STARD3: variants seen among roughly 807,000 people sequenced by gnomAD.
STARD3 encodes stAR-related lipid transfer protein 3.
A neutral mutation model predicts 62.0 loss-of-function variants in STARD3; 39 were observed. The observed-to-expected ratio is 0.63, with a 90% CI of 0.49 to 0.82. The LOEUF (loss-of-function observed/expected upper bound fraction) is 0.82, where lower values mean the gene tolerates loss of function less well. Ranked by LOEUF, STARD3 falls within the 40% of genes least tolerant of loss-of-function variation. STARD3 has a pLI of 0.00. For missense variants in STARD3, 543 were observed against 584.5 expected (o/e 0.93, Z 0.73); for synonymous variants, 229 against 242.4 (o/e 0.94, Z 0.51).
At chr17:39,658,646 G>T in intron 6 of STARD3, 76 bp from the exon 7 acceptor site, 1 of 1,589,008 alleles carries the variant, frequency 6.3e-7, no homozygotes, top group South Asian at 1.1e-5. Context: ...GTAGCCTGAG[G>T]GGGAGCTTGG....
intron 1 of STARD3, among the ~76,000 whole-genome samples, chr17:39,641,100 C>T (rs2056979347): frequency 1.3e-5 from 2 of 152,162 alleles, no homozygotes; most frequent in Admixed American, 1.3e-4. Flanking sequence ...TGGTGCACAC[C>T]TGTAGGCTCA....
chr17:39,654,046 T>C (rs1307979554), intron 2 of STARD3, among the ~76,000 whole-genome samples: 1 of 152,158 alleles, frequency 6.6e-6, no homozygotes, highest in Non-Finnish European at 1.5e-5. Context: ...TGCCCCCTAG[T>C]GGAGGCTCCC....
At chr17:39,661,215 G>T (rs951826937) in intron 13 of STARD3, 130 bp downstream of exon 13, 36 of 775,050 alleles carry the variant, frequency 4.6e-5, no homozygotes, top group Admixed American at 2.4e-4. Context: ...TGTCCCGCTG[G>T]GCTCTGCTCC....
intron 1 of STARD3, among the ~76,000 whole-genome samples, chr17:39,648,068 G>T (rs948930248): frequency 6.6e-6 from 1 of 151,732 alleles, no homozygotes; most frequent in Non-Finnish European, 1.5e-5. Flanking sequence ...GGCGGATCAC[G>T]AGATCAGGAG....
chr17:39,659,594 G>A, intron 9 of STARD3, 41 bp downstream of exon 9: 1 of 1,598,238 alleles, frequency 6.3e-7, no homozygotes, highest in Non-Finnish European at 8.6e-7. Flanking sequence ...ATGCGTGTTA[G>A]GAGTTTCTGT....
intron 2 of STARD3, among the ~76,000 whole-genome samples, chr17:39,656,369 C>T (rs1267303885): frequency 1.3e-5 from 2 of 152,266 alleles, no homozygotes; most frequent in East Asian, 3.9e-4. Flanking sequence ...TGGTGTCCAT[C>T]CAGTTCCCTC....
chr17:39,659,546 A>G lies in STARD3; in HGVS notation c.788A>G (p.Lys263Arg). The G allele has an allele frequency of 6.2e-7, 1 of 1,614,090 alleles. No homozygotes were observed. The highest frequency in any genetic ancestry group is 8.5e-7 in the Non-Finnish European group (1 of 1,179,980). Residue 263 changes from lysine (K) to arginine (R), a missense_variant, in exon 9 of 15, where the codon AAG becomes AGG. By Grantham distance (26) the Lys-to-Arg change is conservative (BLOSUM62 2). Coordinates refer to ENST00000336308, the MANE Select transcript of STARD3 (RefSeq NM_006804.4). The part of the protein sequence containing the change: ...LAQEENWKFE[K>R]NNEYGDTVYT... ...CAGGAAGAGAACTGGAAGTTTGAGA[A>G]GAATAATGTAAGAAGCCCTCTCCCA...
rs755613236 is a variant in STARD3 at position 39,657,003 on chromosome 17, C to G, written c.220-5C>G. On this transcript the variant is annotated splice_region_variant and splice_polypyrimidine_tract_variant and intron_variant, in intron 2 of 14. Coordinates refer to ENST00000336308, the MANE Select transcript of STARD3 (RefSeq NM_006804.4). ...TGCAGAGCTCTTCCTGTCTCCCTCT[C>G]ACAGACCAACACAGGCATCCGTAAG... 40 of 1,614,004 alleles carry G rather than the reference C, an allele frequency of 2.5e-5. No homozygotes were observed. The highest frequency in any genetic ancestry group is 3.1e-5 in the Non-Finnish European group (36 of 1,179,982).
At chr17:39,654,167 ATCATTCATTCAT>A (rs3029514) in intron 2 of STARD3, among the ~76,000 whole-genome samples, 19 of 151,292 alleles carry the variant, frequency 1.3e-4, no homozygotes, top group African/African-American at 3.4e-4. Context: ...CGTTTGTTCG[ATCATTCATTCAT>A]TCATTCATTC....
rs149636905 is a variant in STARD3, at chr17:39,661,027, T to C, written c.1081T>C (p.Leu361=). 2 of 1,613,672 alleles carry C rather than the reference T, an allele frequency of 1.2e-6. No homozygotes were observed. Among genetic ancestry groups the C allele is most frequent in the African/African-American group, 2.7e-5 (2 of 74,892 alleles). The change falls in exon 13 of 15, where the codon TTG becomes CTG. Residue 361 remains leucine (L), a synonymous_variant. Coordinates refer to ENST00000336308, the MANE Select transcript of STARD3 (RefSeq NM_006804.4). ...CATTGAGCGGCGCAGGGACCGATAC[T>C]TGTCATCAGGGATCGCCACCTCACA... The part of the protein sequence containing the change: ...RRIERRRDRY[L]SSGIATSHSA...
At chr17:39,649,308 T>C (rs1441810144) in intron 1 of STARD3, among the ~76,000 whole-genome samples, 1 of 152,216 alleles carries the variant, frequency 6.6e-6, no homozygotes, top group Non-Finnish European at 1.5e-5. Flanking sequence ...CTTGAAGATG[T>C]ATTTCCAACA....
chr17:39,661,213 T>C, intron 13 of STARD3, 128 bp downstream of exon 13: 2 of 778,928 alleles, frequency 2.6e-6, no homozygotes, highest in Non-Finnish European at 4.2e-6. Context: ...CCTGTCCCGC[T>C]GGGCTCTGCT....
At chr17:39,650,383 G>A (rs145617226) in intron 1 of STARD3, among the ~76,000 whole-genome samples, 3 of 152,306 alleles carry the variant, frequency 2.0e-5, no homozygotes, top group East Asian at 1.9e-4. Flanking sequence ...GAGGGAGCAC[G>A]GCCCTCCCAA....
chr17:39,641,329 C>T (rs1398863161), intron 1 of STARD3, among the ~76,000 whole-genome samples: 1 of 151,974 alleles, frequency 6.6e-6, no homozygotes, highest in Non-Finnish European at 1.5e-5. Context: ...AAATGCTGAC[C>T]CAGAGTTACT....
chr17:39,646,976 C>A (rs1037372288), intron 1 of STARD3, among the ~76,000 whole-genome samples: 1 of 151,948 alleles, frequency 6.6e-6, no homozygotes, highest in Admixed American at 6.6e-5. Context: ...CCGAGGTGGG[C>A]GGATCACAAG....
intron 1 of STARD3, among the ~76,000 whole-genome samples, chr17:39,649,887 A>T (rs1039377375): frequency 9.6e-5 from 14 of 145,388 alleles, no homozygotes; most frequent in African/African-American, 3.5e-4. Context: ...AAAAAAAAAG[A>T]TATACAAAGA....
chr17:39,657,699 C>T (rs1195814997), intron 3 of STARD3, 76 bp from the exon 4 acceptor site: 2 of 1,539,766 alleles, frequency 1.3e-6, no homozygotes, highest in African/African-American at 1.4e-5. Flanking sequence ...GGGGGCAGGA[C>T]CAGAGGGGAG....
At position 39,660,843 on chromosome 17, in the gene STARD3, T is replaced by C. The variant is rs1352032672; in HGVS notation, c.988T>C (p.Ser330Pro). 3.1e-6 allele frequency: 5 copies of C among 1,594,340 alleles called. No individual in the cohort carries two copies. Among genetic ancestry groups the C allele is most frequent in the Non-Finnish European group, 3.4e-6 (4 of 1,168,260 alleles). The change falls in exon 12 of 15, where the codon TCC (serine) becomes CCC (proline). Residue 330 changes from serine (S) to proline (P), a missense_variant. By Grantham distance (74) the Ser-to-Pro change is moderately conservative. Transcript: ENST00000336308. This position sits in a 1 kb window ranked among gnomAD's most constrained non-coding sequence, Gnocchi z 4.8. Reference protein sequence around the residue: ...LQRVEDNTLISYDVSAGAAGG... With the variant: ...LQRVEDNTLIPYDVSAGAAGG... ...GCGAGTGGAAGACAACACCCTCATC[T>C]CCTATGACGTGTCTGCAGGGGCTGC...
At chr17:39,637,960 G>C (rs192936095) in intron 1 of STARD3, among the ~76,000 whole-genome samples, 183 of 152,210 alleles carry the variant, frequency 1.2e-3, no homozygotes, top group African/African-American at 4.2e-3. Context: ...CCCTTCCCTG[G>C]AGCTCCACGC....
Sources: allele counts gnomAD v4.1 joint callset (sites outside exome capture counted in the v4.1 genomes callset), GRCh38; gene constraint gnomAD v4.1.1; non-coding constraint Gnocchi (gnomAD v3.1); transcripts MANE v1.5; gene names NCBI Gene and HGNC (gene_info 2026-07-23, HGNC 2026-07-21).